The following SEPTIN11 variants were observed in gnomAD, a reference collection of about 807,000 sequenced individuals.
The protein encoded by SEPTIN11 is septin 11.
Under a neutral mutation model 51.4 loss-of-function variants are expected in SEPTIN11, and 25 were observed. That is an observed-to-expected ratio of 0.49 (90% CI 0.35 to 0.68). The LOEUF (loss-of-function observed/expected upper bound fraction) is 0.68. SEPTIN11 is among the 30% of genes least tolerant of loss of function. The pLI, the probability that SEPTIN11 is intolerant of heterozygous loss-of-function variation, is 0.00. For missense variants in SEPTIN11, 381 were observed against 520.8 expected (o/e 0.73, Z 2.61); for synonymous variants, 174 against 184.1 (o/e 0.95, Z 0.44).
chr4:77,034,792 C>A lies in SEPTIN11; in HGVS notation c.*280C>A. On this transcript the variant is annotated 3_prime_UTR_variant, in exon 10 of 10. Coordinates refer to ENST00000264893, the MANE Select transcript of SEPTIN11 (RefSeq NM_018243.4). ...TTCTGAATGGCAGCACGAAGCAGGC[C>A]TGTTACTTGTATGTCGCTTTGGACA... 1 of 1,136,786 alleles carries A rather than the reference C, an allele frequency of 8.8e-7. No homozygotes were observed. The allele number at this position is 1,136,786 out of a possible 1,614,324, so 70.4% of individuals were successfully genotyped here. A position where few individuals can be genotyped will look rare whatever the true frequency, so the allele number is the denominator to read the frequency against.
chr4:76,987,775 G>A lies in SEPTIN11; in HGVS notation c.28-8650G>A, dbSNP rs1338649263. 6.9e-6 allele frequency: 6 copies of A among 874,270 alleles called. No homozygotes were observed. In the South Asian group the frequency reaches 2.1e-4, roughly 31 times the overall value. 54.2% of individuals were successfully genotyped at this position (874,270 alleles called of 1,614,324 possible). On this transcript the variant is annotated intron_variant, in intron 1 of 9. Transcript: ENST00000264893. ...GTGGTCAGTCAAAGATTTTGTGTGC[G>A]AGACAGCATGTTCTTTTCTTTACCT... is the stretch of plus-strand genomic sequence containing the variant.
At position 77,035,849 on chromosome 4, in the gene SEPTIN11, T is replaced by G; in HGVS notation, c.*1337T>G. The stretch of plus-strand genomic sequence containing the variant: ...CTATACTGCTCCTTTCTGATGCTTA[T>G]CCTTTCATCTGTGTGATTGTTTTTT... On this transcript the variant is annotated 3_prime_UTR_variant, in exon 10 of 10. Transcript: ENST00000264893. 1 of 985,900 alleles carries G rather than the reference T, an allele frequency of 1.0e-6. No homozygotes were observed. The highest frequency in any genetic ancestry group is 4.7e-5 in the South Asian group (1 of 21,282). The allele number at this position is 985,900 out of a possible 1,614,324, so 61.1% of individuals were successfully genotyped here. A position where few individuals can be genotyped will look rare whatever the true frequency, so the allele number is the denominator to read the frequency against.
chr4:76,964,376 C>G (rs1234066315), intron 1 of SEPTIN11, among the ~76,000 whole-genome samples: 4 of 147,442 alleles, frequency 2.7e-5, no homozygotes, highest in Non-Finnish European at 5.9e-5. Flanking sequence ...TTACCATTCT[C>G]TTTAGCCTCC....
At chr4:76,963,240 G>T (rs1721892591) in intron 1 of SEPTIN11, among the ~76,000 whole-genome samples, 1 of 152,140 alleles carries the variant, frequency 6.6e-6, no homozygotes, top group African/African-American at 2.4e-5. Context: ...TTGCACATTG[G>T]CTTTGCCACT....
Position 76,996,536 on chromosome 4 carries a change from G to A in SEPTIN11, c.139G>A (p.Val47Ile), listed in dbSNP as rs1723731198. The change falls in exon 2 of 10, where the codon GTT becomes ATT. Residue 47 changes from valine (V) to isoleucine (I), a missense_variant. Around this residue, in one of 2 missense-constraint regions of SEPTIN11, gnomAD observed 184 missense variants for 207.7 expected, o/e 0.89. Transcript: ENST00000264893. ...AGGATTCTGTTTCAACATCCTTTGT[G>A]TTGGTAAGTTATTCATCACCCCACA... The part of the protein sequence containing the change: ...SQGFCFNILC[V>I]GETGIGKSTL... The A allele has an allele frequency of 6.2e-7, 1 of 1,610,212 alleles. No individual in the cohort carries two copies.
At chr4:76,974,312 G>C (rs566049980) in intron 1 of SEPTIN11, among the ~76,000 whole-genome samples, 1 of 152,210 alleles carries the variant, frequency 6.6e-6, no homozygotes, top group Non-Finnish European at 1.5e-5. Context: ...ACTATTTAAA[G>C]GTCAGTGACT....
intron 1 of SEPTIN11, among the ~76,000 whole-genome samples, chr4:76,975,263 G>C (rs1722442230): frequency 6.6e-6 from 1 of 151,856 alleles, no homozygotes; most frequent in South Asian, 2.1e-4. Context: ...GGACAACATA[G>C]AACGTGGTTG....
intron 1 of SEPTIN11, among the ~76,000 whole-genome samples, chr4:76,977,288 ATTG>A (rs1328834446): frequency 1.3e-4 from 20 of 152,294 alleles, no homozygotes; most frequent in African/African-American, 4.8e-4. Flanking sequence ...TACCTCATGG[ATTG>A]TTAGGAAATC....
intron 1 of SEPTIN11, among the ~76,000 whole-genome samples, chr4:76,958,165 G>A (rs998330020): frequency 6.6e-6 from 1 of 152,210 alleles, no homozygotes; most frequent in Non-Finnish European, 1.5e-5. Flanking sequence ...GGCTGTTGCT[G>A]TGTCAACCCC....
intron 5 of SEPTIN11, among the ~76,000 whole-genome samples, chr4:77,016,852 C>T (rs761509946): frequency 6.6e-6 from 1 of 151,226 alleles, no homozygotes; most frequent in Non-Finnish European, 1.5e-5. Flanking sequence ...ATAGTGTTTA[C>T]ATTGTCTTAG....
At chr4:76,996,087 T>C (rs1179060325) in intron 1 of SEPTIN11, 36 of 863,430 alleles carry the variant, frequency 4.2e-5, no homozygotes, top group Non-Finnish European at 6.1e-5. Flanking sequence ...ATGAAAGTGA[T>C]CAAAATGACT....
chr4:77,011,643 C>T, intron 3 of SEPTIN11, 92 bp from the exon 4 acceptor site: 4 of 1,238,844 alleles, frequency 3.2e-6, no homozygotes, highest in Admixed American at 1.8e-5. Flanking sequence ...GGGCTTTAGC[C>T]CTTAGGAGAG....
intron 1 of SEPTIN11, chr4:76,973,185 C>G (rs1464160436): frequency 6.6e-6 from 1 of 152,034 alleles, no homozygotes; most frequent in East Asian, 1.9e-4. Flanking sequence ...CACTCAAAGC[C>G]TGTGTGGGGG....
At chr4:77,040,068 C>T (rs1351666411), downstream of SEPTIN11, 1 of 152,120 alleles carries the variant, frequency 6.6e-6, no homozygotes, top group Non-Finnish European at 1.5e-5. Context: ...CCTACAAATC[C>T]TAATCATGTT....
At chr4:76,973,668 G>A (rs577807601) in intron 1 of SEPTIN11, among the ~76,000 whole-genome samples, 27 of 152,332 alleles carry the variant, frequency 1.8e-4, no homozygotes, top group South Asian at 1.2e-3. Context: ...ATTCTGAAGC[G>A]ATTCACTGGT....
chr4:77,022,612 T>C (rs1316032630), intron 7 of SEPTIN11, among the ~76,000 whole-genome samples: 1 of 152,150 alleles, frequency 6.6e-6, no homozygotes, highest in Non-Finnish European at 1.5e-5. Flanking sequence ...GGGGGCCAGA[T>C]TTGGTCCTCA....
chr4:77,021,388 AGTT>A (rs1725710645), intron 7 of SEPTIN11: 1 of 152,544 alleles, frequency 6.6e-6, no homozygotes, highest in African/African-American at 2.4e-5. Context: ...TTCTGGGTAA[AGTT>A]GTGGGGTGAG....
chr4:76,958,800 T>A, intron 1 of SEPTIN11: 2 of 1,080,482 alleles, frequency 1.9e-6, no homozygotes, highest in Non-Finnish European at 2.7e-6. Flanking sequence ...TTTTGTAAAT[T>A]AAAAAAAAAT....
chr4:77,011,634 G>A (rs549363595), intron 3 of SEPTIN11, 101 bp from the exon 4 acceptor site: 1 of 1,115,592 alleles, frequency 9.0e-7, no homozygotes, highest in South Asian at 1.4e-5. Context: ...TAAGGACTTG[G>A]GCTTTAGCCC....
Sources: allele counts gnomAD v4.1 joint callset (sites outside exome capture counted in the v4.1 genomes callset), GRCh38; gene constraint gnomAD v4.1.1; regional missense constraint gnomAD v4.1.1; transcripts MANE v1.5; gene names NCBI Gene and HGNC (gene_info 2026-07-23, HGNC 2026-07-21).